UBASH3B: variants seen among roughly 807,000 people sequenced by gnomAD.
UBASH3B encodes ubiquitin-associated and SH3 domain-containing protein B.
UBASH3B carries 37 observed loss-of-function variants against 83.4 expected under a neutral mutation model. The ratio of observed to expected loss-of-function variants is 0.44; its 90% CI spans 0.34 to 0.58. The LOEUF (loss-of-function observed/expected upper bound fraction) is 0.58. Among genes scored for constraint, UBASH3B ranks in the 20% least tolerant of loss-of-function variants. The pLI, the probability that UBASH3B is intolerant of heterozygous loss-of-function variation, is 0.01. For synonymous variants in UBASH3B, 304 were observed against 318.3 expected (o/e 0.96, Z 0.48); for missense variants, 657 against 827.2 (o/e 0.79, Z 2.52).
At position 122,739,632 on chromosome 11, in the gene UBASH3B, C is replaced by T. The variant is rs576955424; in HGVS notation, c.162-36587C>T. ...GACATAAATTTTCTTCCTAACTTTG[C>T]AATACTGAAGGAAAAAACAGTCTTC... On this transcript the variant is annotated intron_variant, in intron 1 of 13. Transcript: ENST00000284273. Among the ~76,000 whole-genome samples the T allele has an allele frequency of 1.2e-4, 18 of 152,320 alleles. No homozygotes were observed. The South Asian group carries it at 3.5e-3, about 30-fold the overall frequency.
chr11:122,744,705 C>T (rs1861083139), intron 1 of UBASH3B, among the ~76,000 whole-genome samples: 1 of 11,570 alleles, frequency 8.6e-5, no homozygotes, highest in Admixed American at 6.0e-4. Context: ...ATCACATGTG[C>T]AACTGTGTGT....
intron 1 of UBASH3B, among the ~76,000 whole-genome samples, chr11:122,742,166 T>A (rs895883071): frequency 1.3e-5 from 2 of 152,248 alleles, no homozygotes; most frequent in African/African-American, 4.8e-5. Context: ...TGCCTTGGTC[T>A]TAACCTCTGA....
intron 1 of UBASH3B, among the ~76,000 whole-genome samples, chr11:122,694,811 T>C (rs182787789): frequency 6.6e-6 from 1 of 152,168 alleles, no homozygotes; most frequent in Non-Finnish European, 1.5e-5. Context: ...CAAGATTTAG[T>C]GTGCCACAGT....
chr11:122,755,410 C>T (rs1462806241), intron 1 of UBASH3B, among the ~76,000 whole-genome samples: 1 of 152,026 alleles, frequency 6.6e-6, no homozygotes, highest in Non-Finnish European at 1.5e-5. Flanking sequence ...TTATGGAAAG[C>T]GAGGATCAGG....
chr11:122,783,227 TG>T lies in UBASH3B; in HGVS notation c.771+6del. On this transcript the variant is annotated splice_donor_region_variant and intron_variant, in intron 5 of 13. Transcript: ENST00000284273. ...ATCCGATTTGCTAACCATGAGGTAA[TG>T]TCTCACTGTGGTTCCAGAAGCTACC... 6.2e-7 allele frequency: 1 copy of T among 1,612,538 alleles called. No homozygotes were observed. Among genetic ancestry groups the T allele is most frequent in the South Asian group, 1.1e-5 (1 of 90,822 alleles).
intron 4 of UBASH3B, among the ~76,000 whole-genome samples, chr11:122,782,026 T>C (rs1860864356): frequency 6.6e-6 from 1 of 152,218 alleles, no homozygotes; most frequent in Admixed American, 6.5e-5. Flanking sequence ...TAATTTCTTC[T>C]AGTTGCAACT....
At chr11:122,797,529 G>T (rs557036889) in intron 9 of UBASH3B, among the ~76,000 whole-genome samples, 1 of 152,204 alleles carries the variant, frequency 6.6e-6, no homozygotes, top group East Asian at 1.9e-4. Context: ...TTTGTGCAAG[G>T]TATTGGACTA....
chr11:122,686,370 G>A (rs1363832292), intron 1 of UBASH3B, among the ~76,000 whole-genome samples: 1 of 152,222 alleles, frequency 6.6e-6, no homozygotes, highest in Non-Finnish European at 1.5e-5. Context: ...GCAGACTCAG[G>A]TACAATTATT....
At chr11:122,703,915 A>G (rs1864081464) in intron 1 of UBASH3B, among the ~76,000 whole-genome samples, 1 of 152,218 alleles carries the variant, frequency 6.6e-6, no homozygotes, top group African/African-American at 2.4e-5. Flanking sequence ...TGTGACCTGC[A>G]GGCACTGGAG....
chr11:122,657,250 T>C (rs1863376763), intron 1 of UBASH3B, among the ~76,000 whole-genome samples: 1 of 151,826 alleles, frequency 6.6e-6, no homozygotes, highest in Non-Finnish European at 1.5e-5. Context: ...GAAAGTCCTT[T>C]TTATTTTTTT....
intron 1 of UBASH3B, among the ~76,000 whole-genome samples, chr11:122,716,929 A>G (rs1407273055): frequency 6.6e-6 from 1 of 152,172 alleles, no homozygotes; most frequent in Non-Finnish European, 1.5e-5. Context: ...AGATGGAATC[A>G]GGATGATTAT....
rs376023833 is a variant in UBASH3B, at chr11:122,734,811, AG to A, written c.162-41407del. Among the ~76,000 whole-genome samples, 712 of 149,190 alleles carry A rather than the reference AG, an allele frequency of 4.8e-3. 9 individuals are homozygous for A. Among genetic ancestry groups the A allele is most frequent in the Non-Finnish European group, 7.4e-3 (497 of 66,808 alleles). On this transcript the variant is annotated intron_variant, in intron 1 of 13. Coordinates refer to ENST00000284273, the MANE Select transcript of UBASH3B (RefSeq NM_032873.5). ...TTAAGCTGTATCTTAAAAAAAAAAA[AG>A]AAAAAGAAAAAGAAAAAACCCTTAG...
At position 122,655,723 on chromosome 11, in the gene UBASH3B, T is replaced by C. The variant is rs1863348375; in HGVS notation, c.-327T>C. 3.8e-6 allele frequency: 1 copy of C among 262,754 alleles called. No homozygotes were observed. The highest frequency in any genetic ancestry group is 5.5e-5 in the Admixed American group (1 of 18,300). The allele number at this position is 262,754 out of a possible 1,614,324, so 16.3% of individuals were successfully genotyped here. On this transcript the variant is annotated 5_prime_UTR_variant, in exon 1 of 14. Transcript: ENST00000284273. The stretch of plus-strand genomic sequence containing the variant: ...TTTTGATCCATTCAAAAATTACTCA[T>C]TGCAAATTCCCGGACTGCTAGGCGA...
chr11:122,677,080 A>G (rs949389576), intron 1 of UBASH3B, among the ~76,000 whole-genome samples: 4 of 152,068 alleles, frequency 2.6e-5, no homozygotes, highest in Non-Finnish European at 5.9e-5. Context: ...TATTGGGGGG[A>G]AAAATTGCAT....
intron 5 of UBASH3B, among the ~76,000 whole-genome samples, chr11:122,785,501 T>TTTAG (rs1860931701): frequency 6.6e-6 from 1 of 152,240 alleles, no homozygotes; most frequent in Non-Finnish European, 1.5e-5. Context: ...ATTCCTCTGC[T>TTTAG]ATTTAGATTC....
chr11:122,719,457 C>T (rs1860585294), intron 1 of UBASH3B, among the ~76,000 whole-genome samples: 1 of 152,178 alleles, frequency 6.6e-6, no homozygotes, highest in South Asian at 2.1e-4. Flanking sequence ...TTACTCTCTC[C>T]TTGTCTTTTC....
At chr11:122,730,752 C>T (rs1011996342) in intron 1 of UBASH3B, among the ~76,000 whole-genome samples, 35 of 152,120 alleles carry the variant, frequency 2.3e-4, no homozygotes, top group Non-Finnish European at 4.6e-4. Context: ...TGTGCCACCA[C>T]GCCCGGCTCA....
chr11:122,810,181 C>A lies in UBASH3B; in HGVS notation c.*295C>A. The A allele has an allele frequency of 3.4e-6, 1 of 290,878 alleles. No homozygotes were observed. The highest frequency in any genetic ancestry group is 6.4e-6 in the Non-Finnish European group (1 of 155,130). 18.0% of individuals were successfully genotyped at this position (290,878 alleles called of 1,614,324 possible). ...GAATGTTTCGTTCCCTCTGGGTATG[C>A]ACAGCTAAGGGGCCTCATTTCTCCC... is the stretch of plus-strand genomic sequence containing the variant. On this transcript the variant is annotated 3_prime_UTR_variant, in exon 14 of 14. Transcript: ENST00000284273.
intron 2 of UBASH3B, 85 bp downstream of exon 2, chr11:122,776,357 C>A: frequency 8.0e-7 from 1 of 1,256,704 alleles, no homozygotes; most frequent in Non-Finnish European, 1.1e-6. Context: ...CAGACTTTCT[C>A]TAATGGACCC....
Sources: gnomAD v4.1 joint callset for allele counts (sites outside exome capture counted in the v4.1 genomes callset) on GRCh38, gnomAD v4.1.1 for gene constraint, MANE v1.5 for transcripts, NCBI Gene and HGNC (gene_info 2026-07-23, HGNC 2026-07-21) for gene names.